RAPGEF4: variants seen among roughly 807,000 people sequenced by gnomAD.
The protein encoded by RAPGEF4 is Rap guanine nucleotide exchange factor 4.
Under a neutral mutation model 147.9 loss-of-function variants are expected in RAPGEF4, and 66 were observed. The observed-to-expected ratio is 0.45, with a 90% CI of 0.37 to 0.55. The LOEUF (loss-of-function observed/expected upper bound fraction) is 0.55. Among genes scored for constraint, RAPGEF4 ranks in the 20% least tolerant of loss-of-function variants. RAPGEF4 has a pLI of 0.00. For synonymous variants in RAPGEF4, 419 were observed against 442.7 expected, an observed-to-expected ratio of 0.95 and a Z score of 0.67; for missense variants, 1,071 against 1,257.3, an observed-to-expected ratio of 0.85 and a Z score of 2.24.
At chr2:172,986,543 T>C in intron 12 of RAPGEF4, among the ~76,000 whole-genome samples, 1 of 152,228 alleles carries the variant, frequency 6.6e-6, no homozygotes, top group East Asian at 1.9e-4. Flanking sequence ...TAATGACTTA[T>C]TCTTTTTTAT....
intron 4 of RAPGEF4, among the ~76,000 whole-genome samples, chr2:172,874,708 A>G (rs1695674247): frequency 6.6e-6 from 1 of 152,196 alleles, no homozygotes; most frequent in East Asian, 1.9e-4. Context: ...CAATAAACAT[A>G]CATGTGCATG....
chr2:172,929,559 A>G (rs903276147), intron 6 of RAPGEF4, among the ~76,000 whole-genome samples: 2 of 152,214 alleles, frequency 1.3e-5, no homozygotes, highest in Admixed American at 1.3e-4. Context: ...GCCAGTTTTT[A>G]TAAATGTCTA....
chr2:172,895,975 A>G (rs1478354219), intron 4 of RAPGEF4, among the ~76,000 whole-genome samples: 1 of 152,246 alleles, frequency 6.6e-6, no homozygotes, highest in African/African-American at 2.4e-5. Flanking sequence ...TGGGAAAATT[A>G]TAGTGAAAAT....
At chr2:172,837,126 TG>T (rs1336664808) in intron 4 of RAPGEF4, among the ~76,000 whole-genome samples, 2 of 152,188 alleles carry the variant, frequency 1.3e-5, no homozygotes, top group Non-Finnish European at 2.9e-5. Flanking sequence ...AGAACCATGT[TG>T]GGTGTGTGTG....
At chr2:172,902,081 C>G (rs986654840) in intron 4 of RAPGEF4, among the ~76,000 whole-genome samples, 10 of 152,050 alleles carry the variant, frequency 6.6e-5, no homozygotes, top group African/African-American at 2.4e-4. Context: ...GGCAGAAGTA[C>G]ATTCCAGGCA....
At chr2:172,760,902 G>GA (rs1696253423) in intron 1 of RAPGEF4, among the ~76,000 whole-genome samples, 1 of 151,856 alleles carries the variant, frequency 6.6e-6, no homozygotes, top group Admixed American at 6.6e-5. Context: ...CCTAGAAGGA[G>GA]AAAATCCTAA....
intron 23 of RAPGEF4, 48 bp downstream of exon 23, chr2:173,020,763 T>C (rs1696012125): frequency 2.0e-6 from 3 of 1,467,116 alleles, no homozygotes; most frequent in African/African-American, 2.8e-5. Context: ...CAGAAAAACT[T>C]GTCTGGAGCC....
At chr2:172,756,011 G>A (rs981393344) in intron 1 of RAPGEF4, among the ~76,000 whole-genome samples, 2 of 152,162 alleles carry the variant, frequency 1.3e-5, no homozygotes, top group Non-Finnish European at 2.9e-5. Flanking sequence ...CCAGCACTTT[G>A]TAGCCATGCC....
At chr2:172,836,127 C>T (rs530291808) in intron 4 of RAPGEF4, among the ~76,000 whole-genome samples, 1 of 152,286 alleles carries the variant, frequency 6.6e-6, no homozygotes, top group African/African-American at 2.4e-5. Flanking sequence ...TAATCTCAGG[C>T]TTATTTTTTT....
At chr2:172,958,343 A>G (rs1575371962) in intron 6 of RAPGEF4, among the ~76,000 whole-genome samples, 1 of 152,246 alleles carries the variant, frequency 6.6e-6, no homozygotes, top group Admixed American at 6.5e-5. Context: ...CTGTGTAATG[A>G]AAAGAGGTGA....
At chr2:172,830,201 T>C (rs1690141402) in intron 4 of RAPGEF4, among the ~76,000 whole-genome samples, 3 of 152,092 alleles carry the variant, frequency 2.0e-5, no homozygotes, top group Non-Finnish European at 4.4e-5. Context: ...ATGGTGAGAG[T>C]GGAAATGGAA....
intron 1 of RAPGEF4, among the ~76,000 whole-genome samples, chr2:172,776,303 A>C (rs1410234908): frequency 6.6e-6 from 1 of 152,114 alleles, no homozygotes; most frequent in African/African-American, 2.4e-5. Flanking sequence ...CACTTCCATC[A>C]CTTTCTGGTG....
At chr2:173,012,679 A>C (rs1473023029) in intron 17 of RAPGEF4, among the ~76,000 whole-genome samples, 1 of 152,228 alleles carries the variant, frequency 6.6e-6, no homozygotes, top group East Asian at 1.9e-4. Flanking sequence ...CATGGAGAGT[A>C]AATGGAAGTC....
At chr2:173,008,309 T>C (rs763180865) in intron 17 of RAPGEF4, among the ~76,000 whole-genome samples, 12 of 152,210 alleles carry the variant, frequency 7.9e-5, no homozygotes, top group Non-Finnish European at 1.6e-4. Flanking sequence ...AATGGACTAA[T>C]ACATTATACT....
intron 10 of RAPGEF4, among the ~76,000 whole-genome samples, chr2:172,972,938 T>A (rs1690649994): frequency 6.6e-6 from 1 of 152,156 alleles, no homozygotes; most frequent in African/African-American, 2.4e-5. Context: ...TTAGTTATTT[T>A]TTAATTCCTA....
intron 4 of RAPGEF4, chr2:172,889,936 C>A: frequency 1.9e-6 from 1 of 528,648 alleles, no homozygotes; most frequent in Non-Finnish European, 2.4e-6. Context: ...GGGAATGTTT[C>A]GTGATGTGCT....
At chr2:173,011,166 G>GCACACACA (rs796705219) in intron 17 of RAPGEF4, among the ~76,000 whole-genome samples, 3 of 71,998 alleles carry the variant, frequency 4.2e-5, no homozygotes, top group African/African-American at 1.6e-4. Context: ...TTCAGCGCGC[G>GCACACACA]CGCGCACACA....
chr2:172,785,953 A>T (rs1156781837), intron 1 of RAPGEF4, among the ~76,000 whole-genome samples: 1 of 152,130 alleles, frequency 6.6e-6, no homozygotes, highest in Non-Finnish European at 1.5e-5. Flanking sequence ...CTCCACGGTA[A>T]AGGGTTTGCA....
chr2:173,020,485 A>C (rs1695977181), intron 22 of RAPGEF4, 133 bp from the exon 23 acceptor site: 7 of 779,532 alleles, frequency 9.0e-6, no homozygotes, highest in Non-Finnish European at 1.6e-5. Flanking sequence ...GGATCCCTTC[A>C]GTACTCTATT....
Sources: allele counts gnomAD v4.1 joint callset (sites outside exome capture counted in the v4.1 genomes callset), GRCh38; gene constraint gnomAD v4.1.1; transcripts MANE v1.5; gene names NCBI Gene and HGNC (gene_info 2026-07-23, HGNC 2026-07-21).